The following FAM171A1 variants were observed in gnomAD, a reference collection of about 807,000 sequenced individuals.
The protein encoded by FAM171A1 is family with sequence similarity 171 member A1, also known as protein FAM171A1.
A neutral mutation model predicts 74.9 loss-of-function variants in FAM171A1; 23 were observed. That is an observed-to-expected ratio of 0.31 (90% CI 0.22 to 0.44). The LOEUF (loss-of-function observed/expected upper bound fraction) is 0.44. Among genes scored for constraint, FAM171A1 ranks in the 20% least tolerant of loss-of-function variants. The pLI is 1.00. For missense variants in FAM171A1, 1,162 were observed against 1,159.2 expected (o/e 1.00, Z -0.03); for synonymous variants, 527 against 505.7 (o/e 1.04, Z -0.57).
rs1836141605 is a variant in FAM171A1 at position 15,371,125 on chromosome 10, G to A, written c.-73C>T. ...GGCGGCGGCGCGTCACGGGCGGCCG[G>A]GCGCCGCGCCCCCCTCCATGTCGCT... On this transcript the variant is annotated 5_prime_UTR_variant, in exon 1 of 8. Coordinates refer to ENST00000378116, the MANE Select transcript of FAM171A1 (RefSeq NM_001010924.2). 1 of 625,230 alleles carries A rather than the reference G, an allele frequency of 1.6e-6. No homozygotes were observed. The highest frequency in any genetic ancestry group is 2.1e-5 in the African/African-American group (1 of 48,578). The allele number at this position is 625,230 out of a possible 1,614,324, so 38.7% of individuals were successfully genotyped here.
intron 5 of FAM171A1, among the ~76,000 whole-genome samples, chr10:15,245,369 A>G (rs1834419176): frequency 6.6e-6 from 1 of 152,192 alleles, no homozygotes; most frequent in African/African-American, 2.4e-5. Context: ...GCCCGGCCCA[A>G]TCTGTTGACT....
chr10:15,246,908 G>C (rs958429561), intron 5 of FAM171A1, among the ~76,000 whole-genome samples: 1 of 152,244 alleles, frequency 6.6e-6, no homozygotes, highest in African/African-American at 2.4e-5. Flanking sequence ...CCCTCAGCCC[G>C]AGCACATGCT....
At chr10:15,229,790 C>T (rs1475218680) in intron 5 of FAM171A1, among the ~76,000 whole-genome samples, 1,078 of 28,296 alleles carry the variant, frequency 0.038, 40 homozygotes, top group Middle Eastern at 0.094. Flanking sequence ...CCATCACCAC[C>T]ATCACCATCA....
chr10:15,235,949 G>A (rs1484997566), intron 5 of FAM171A1, among the ~76,000 whole-genome samples: 1 of 152,164 alleles, frequency 6.6e-6, no homozygotes, highest in Non-Finnish European at 1.5e-5. Flanking sequence ...TTGCTGGAAA[G>A]AGCCACGGTG....
rs183267610 is a variant in FAM171A1, at chr10:15,276,116, G to T, written c.326-169C>A. Among the ~76,000 whole-genome samples, 245 of 152,176 alleles carry T rather than the reference G, an allele frequency of 1.6e-3. 1 individual carries two copies. The highest frequency in any genetic ancestry group is 5.4e-3 in the African/African-American group (226 of 41,536). On this transcript the variant is annotated intron_variant, in intron 2 of 7. Coordinates refer to ENST00000378116, the MANE Select transcript of FAM171A1 (RefSeq NM_001010924.2). The stretch of plus-strand genomic sequence containing the variant: ...ACCTTCAAAATGCTACAAGTGTATT[G>T]CAGTATCTCATATAACAATTACTTG...
rs756328994 is a variant in FAM171A1 at position 15,213,928 on chromosome 10, A to C, written c.1660T>G (p.Phe554Val). 25 of 1,614,186 alleles carry C rather than the reference A, an allele frequency of 1.5e-5. No individual in the cohort carries two copies. In the East Asian group the frequency reaches 5.3e-4, roughly 35 times the overall value. Reference protein sequence around the residue: ...SVDHLERPTSFPRPGQLICCS... With the variant: ...SVDHLERPTSVPRPGQLICCS... ...CAGATTAACTGGCCGGGCCGTGGGA[A>C]GGACGTAGGTCTCTCGAGGTGATCT... The change falls in exon 8 of 8, where the codon TTC (phenylalanine) becomes GTC (valine). Residue 554 changes from phenylalanine to valine, a missense_variant. Transcript: ENST00000378116. This position sits in a 1 kb window ranked among gnomAD's most constrained non-coding sequence, Gnocchi z 6.8.
At chr10:15,325,984 C>G (rs1053549650) in intron 1 of FAM171A1, among the ~76,000 whole-genome samples, 2 of 152,170 alleles carry the variant, frequency 1.3e-5, no homozygotes, top group Admixed American at 1.3e-4. Flanking sequence ...TTAAACATCG[C>G]TACATCAAAT....
At chr10:15,367,803 T>A (rs1374823575) in intron 1 of FAM171A1, among the ~76,000 whole-genome samples, 1 of 152,222 alleles carries the variant, frequency 6.6e-6, no homozygotes, top group Non-Finnish European at 1.5e-5. Context: ...CTCAAACACC[T>A]GCTAGATATC....
chr10:15,238,012 G>A (rs1834316096), intron 5 of FAM171A1, among the ~76,000 whole-genome samples: 1 of 151,982 alleles, frequency 6.6e-6, no homozygotes, highest in African/African-American at 2.4e-5. Context: ...CCTGAACTAC[G>A]GCATCTATTC....
chr10:15,311,463 G>A (rs953324591), intron 1 of FAM171A1, among the ~76,000 whole-genome samples: 5 of 152,140 alleles, frequency 3.3e-5, no homozygotes, highest in South Asian at 2.1e-4. Context: ...AGTAACCTTC[G>A]CCTTCCCTGG....
chr10:15,311,568 G>A lies in FAM171A1; in HGVS notation c.98-27463C>T, dbSNP rs190084613. On this transcript the variant is annotated intron_variant, in intron 1 of 7. Coordinates refer to ENST00000378116, the MANE Select transcript of FAM171A1 (RefSeq NM_001010924.2). ...TTAGCTTCATCTCCATATATCCTGG[G>A]ATTCCCCTTAAATAAGCTCTAAAGC... Among the ~76,000 whole-genome samples, 25 of 152,220 alleles carry A rather than the reference G, an allele frequency of 1.6e-4. No homozygotes were observed. In the East Asian group the frequency reaches 4.4e-3, roughly 27 times the overall value.
Position 15,261,060 on chromosome 10 carries a change from T to C in FAM171A1, c.419-6181A>G, listed in dbSNP as rs192545516. ...AGGAGAAGGCATTTCTCTCTTTGTC[T>C]CTTTCTGTGTCTTCCGCTGTCTCTC... On this transcript the variant is annotated intron_variant, in intron 3 of 7. Coordinates refer to ENST00000378116, the MANE Select transcript of FAM171A1 (RefSeq NM_001010924.2). 3.9e-5 allele frequency among the ~76,000 whole-genome samples: 6 copies of C among 152,364 alleles called. 1 individual carries two copies. The highest frequency in any genetic ancestry group is 3.9e-4 in the Admixed American group (6 of 15,310).
chr10:15,324,077 G>A (rs887130447), intron 1 of FAM171A1, among the ~76,000 whole-genome samples: 2 of 152,140 alleles, frequency 1.3e-5, no homozygotes, highest in African/African-American at 4.8e-5. Context: ...TAAATAGTTG[G>A]CAAGCAAAGT....
chr10:15,369,647 C>T (rs926429189), intron 1 of FAM171A1, among the ~76,000 whole-genome samples: 2 of 152,206 alleles, frequency 1.3e-5, no homozygotes, highest in Non-Finnish European at 1.5e-5. Context: ...TTCAACTCAA[C>T]ATGTAGGCAA....
At chr10:15,304,899 GCTAA>G (rs1269729867) in intron 1 of FAM171A1, among the ~76,000 whole-genome samples, 1 of 152,052 alleles carries the variant, frequency 6.6e-6, no homozygotes, top group African/African-American at 2.4e-5. Flanking sequence ...ACCACGTCTG[GCTAA>G]TTTTTGTATT....
intron 5 of FAM171A1, among the ~76,000 whole-genome samples, chr10:15,246,478 A>G (rs1452943739): frequency 6.6e-6 from 1 of 152,216 alleles, no homozygotes. Flanking sequence ...AATTATCTTC[A>G]TGCATGGTCT....
At chr10:15,255,389 T>A (rs1236710611) in intron 3 of FAM171A1, among the ~76,000 whole-genome samples, 1 of 152,154 alleles carries the variant, frequency 6.6e-6, no homozygotes, top group Non-Finnish European at 1.5e-5. Context: ...TTGCAAACAA[T>A]ACCCCAGCGG....
intron 1 of FAM171A1, among the ~76,000 whole-genome samples, chr10:15,334,556 A>G (rs763575644): frequency 2.6e-5 from 4 of 152,232 alleles, no homozygotes; most frequent in Admixed American, 6.5e-5. Flanking sequence ...AAGATTTCCA[A>G]TCCTCAACAT....
At chr10:15,359,729 G>A (rs776176355) in intron 1 of FAM171A1, among the ~76,000 whole-genome samples, 2 of 152,198 alleles carry the variant, frequency 1.3e-5, no homozygotes, top group Non-Finnish European at 2.9e-5. Flanking sequence ...AGACGTCGCA[G>A]AAGGGTAAGT....
Sources: allele counts gnomAD v4.1 joint callset (sites outside exome capture counted in the v4.1 genomes callset), GRCh38; gene constraint gnomAD v4.1.1; non-coding constraint Gnocchi (gnomAD v3.1); transcripts MANE v1.5; gene names NCBI Gene and HGNC (gene_info 2026-07-23, HGNC 2026-07-21).